GRIK2: variants seen among roughly 807,000 people sequenced by gnomAD.
GRIK2 encodes the protein glutamate receptor ionotropic, kainate 2.
A neutral mutation model predicts 100.3 loss-of-function variants in GRIK2; 32 were observed. The observed-to-expected ratio is 0.32, with a 90% CI of 0.24 to 0.43. The LOEUF (loss-of-function observed/expected upper bound fraction) is 0.43. GRIK2 is among the 20% of genes least tolerant of loss of function. GRIK2 has a pLI of 1.00. For missense variants in GRIK2, 843 were observed against 1,114.9 expected (o/e 0.76, Z 3.47); for synonymous variants, 417 against 389.4 (o/e 1.07, Z -0.83).
intron 7 of GRIK2, among the ~76,000 whole-genome samples, chr6:101,781,771 T>A (rs139293219): frequency 6.3e-4 from 96 of 152,264 alleles, no homozygotes; most frequent in Non-Finnish European, 1.1e-3. Context: ...TTCATGAAAT[T>A]GTTCCTAGTT....
chr6:101,787,150 G>T (rs1329124143), intron 7 of GRIK2, among the ~76,000 whole-genome samples: 2 of 151,400 alleles, frequency 1.3e-5, no homozygotes, highest in African/African-American at 4.8e-5. Context: ...GTATTTCAGT[G>T]TTATCTATTG....
intron 7 of GRIK2, among the ~76,000 whole-genome samples, chr6:101,723,701 TA>T (rs1774651374): frequency 6.6e-6 from 1 of 151,990 alleles, no homozygotes; most frequent in Non-Finnish European, 1.5e-5. Context: ...TGAAGTCTAA[TA>T]AAACATGTTT....
At chr6:101,572,752 CTTT>C (rs200522647) in intron 2 of GRIK2, among the ~76,000 whole-genome samples, 10,495 of 79,234 alleles carry the variant, frequency 0.13, 1,106 homozygotes, top group African/African-American at 0.33. Flanking sequence ...GCCTCAGTTT[CTTT>C]TTTTTTTTTT....
At chr6:101,820,076 T>A (rs1271029549) in intron 10 of GRIK2, among the ~76,000 whole-genome samples, 2 of 152,188 alleles carry the variant, frequency 1.3e-5, no homozygotes, top group East Asian at 1.9e-4. Flanking sequence ...GGATAACCAG[T>A]TAGCCTGCTA....
chr6:101,591,325 T>C (rs1778629662), intron 2 of GRIK2, among the ~76,000 whole-genome samples: 1 of 151,866 alleles, frequency 6.6e-6, no homozygotes, highest in South Asian at 2.1e-4. Context: ...TCATCCTTTA[T>C]GGTCTAGCTC....
intron 11 of GRIK2, among the ~76,000 whole-genome samples, chr6:101,873,116 A>C (rs1203248808): frequency 2.0e-5 from 3 of 151,650 alleles, no homozygotes. Context: ...TAAATTATAC[A>C]TTAAGTTCTA....
intron 14 of GRIK2, among the ~76,000 whole-genome samples, chr6:102,026,017 G>C (rs954147258): frequency 1.3e-5 from 2 of 148,188 alleles, no homozygotes; most frequent in Non-Finnish European, 3.0e-5. Flanking sequence ...TGCTTACTAG[G>C]GTGATTAAAT....
intron 10 of GRIK2, among the ~76,000 whole-genome samples, chr6:101,843,396 C>T (rs1783627689): frequency 6.6e-6 from 1 of 152,176 alleles, no homozygotes; most frequent in Non-Finnish European, 1.5e-5. Context: ...TTATACTTTC[C>T]ATCATCCACA....
chr6:101,971,342 A>G (rs895936674), intron 14 of GRIK2, among the ~76,000 whole-genome samples: 1 of 152,036 alleles, frequency 6.6e-6, no homozygotes, highest in African/African-American at 2.4e-5. Context: ...ATCTTCTTGT[A>G]AACATTTTAT....
At chr6:101,836,494 ATATAT>A (rs753933753) in intron 10 of GRIK2, among the ~76,000 whole-genome samples, 7 of 151,124 alleles carry the variant, frequency 4.6e-5, no homozygotes, top group Non-Finnish European at 8.8e-5. Flanking sequence ...TAATATTTTG[ATATAT>A]TAGGTTAAAG....
At chr6:101,776,429 G>T (rs1245287040) in intron 7 of GRIK2, among the ~76,000 whole-genome samples, 2 of 152,102 alleles carry the variant, frequency 1.3e-5, no homozygotes, top group Non-Finnish European at 2.9e-5. Flanking sequence ...ACAAATAAGG[G>T]TTATGGTTAT....
chr6:101,988,602 C>A lies in GRIK2; in HGVS notation c.2086-46739C>A, dbSNP rs1010118064. Among the ~76,000 whole-genome samples, 4 of 151,742 alleles carry A rather than the reference C, an allele frequency of 2.6e-5. No individual in the cohort carries two copies. The East Asian group carries it at 7.8e-4, about 30-fold the overall frequency. ...ATGGGGTTAATAAAAGTGCTTGCCT[C>A]ATAGGCTTATCAGTCAATTCTTGTA... On this transcript the variant is annotated intron_variant, in intron 14 of 16. Transcript: ENST00000369134.
rs148946330 is a variant in GRIK2 at position 101,767,710 on chromosome 6, G to T, written c.952-31938G>T. On this transcript the variant is annotated intron_variant, in intron 7 of 16. Transcript: ENST00000369134. ...ATAATTACCTCTGAGGAAGTCAGGA[G>T]CATGGGTGGTGGGATCTGAAATGTT... Among the ~76,000 whole-genome samples the T allele has an allele frequency of 1.5e-3, 233 of 152,086 alleles. 10 individuals carry two copies. In the East Asian group the frequency reaches 0.042, roughly 27 times the overall value.
At chr6:102,032,829 C>A (rs1274816436) in intron 14 of GRIK2, among the ~76,000 whole-genome samples, 1 of 151,222 alleles carries the variant, frequency 6.6e-6, no homozygotes, top group Non-Finnish European at 1.5e-5. Flanking sequence ...GCTGTTTGAT[C>A]ATATTTAATA....
At chr6:101,643,957 G>C (rs1373268479) in intron 4 of GRIK2, among the ~76,000 whole-genome samples, 2 of 151,648 alleles carry the variant, frequency 1.3e-5, no homozygotes, top group African/African-American at 4.8e-5. Flanking sequence ...CAGTACATTT[G>C]CTGCTTCAGT....
intron 7 of GRIK2, among the ~76,000 whole-genome samples, chr6:101,729,759 T>C (rs1197844717): frequency 2.0e-5 from 3 of 151,838 alleles, no homozygotes; most frequent in Admixed American, 2.0e-4. Context: ...CATAGAAGCA[T>C]AGTTTTGATG....
intron 10 of GRIK2, among the ~76,000 whole-genome samples, chr6:101,829,072 G>A (rs1782512814): frequency 6.6e-6 from 1 of 151,982 alleles, no homozygotes; most frequent in Non-Finnish European, 1.5e-5. Flanking sequence ...ACATGATCAA[G>A]TAGGCTTTAT....
At chr6:101,773,304 C>T (rs1778520140) in intron 7 of GRIK2, among the ~76,000 whole-genome samples, 1 of 151,770 alleles carries the variant, frequency 6.6e-6, no homozygotes, top group Non-Finnish European at 1.5e-5. Context: ...CATGGTGAAA[C>T]CCCATCTCTA....
intron 2 of GRIK2, among the ~76,000 whole-genome samples, chr6:101,570,444 C>T (rs188776680): frequency 6.6e-6 from 1 of 152,140 alleles, no homozygotes; most frequent in East Asian, 1.9e-4. Context: ...TGTCACTCCT[C>T]CTATCTTTCT....
Sources: allele counts gnomAD v4.1 joint callset (sites outside exome capture counted in the v4.1 genomes callset), GRCh38; gene constraint gnomAD v4.1.1; transcripts MANE v1.5; gene names NCBI Gene and HGNC (gene_info 2026-07-23, HGNC 2026-07-21).